The following TMEM179 variants were observed in gnomAD, a reference collection of about 807,000 sequenced individuals.
TMEM179 encodes the protein transmembrane protein 179, also known as transmembrane protein 179A.
A neutral mutation model predicts 22.2 loss-of-function variants in TMEM179; 17 were observed. That is an observed-to-expected ratio of 0.77 (90% CI 0.52 to 1.15). The LOEUF is 1.15. TMEM179 is among the 50% of genes most tolerant of loss of function. The pLI is 0.00. For synonymous variants in TMEM179, 127 were observed against 140.5 expected, an observed-to-expected ratio of 0.90 and a Z score of 0.68; for missense variants, 265 against 313.6, an observed-to-expected ratio of 0.84 and a Z score of 1.17.
rs2140478429 is a variant in TMEM179, at chr14:104,593,201, G to A, written c.*278C>T. The stretch of plus-strand genomic sequence containing the variant: ...TCAGGTCCTACTGGGACAGCCAAGG[G>A]GCCCTGTGCGAGGCCTGGAGGTGCC... On this transcript the variant is annotated 3_prime_UTR_variant, in exon 4 of 4. Transcript: ENST00000556573. The A allele has an allele frequency of 5.7e-6, 3 of 526,988 alleles. No homozygotes were observed. The highest frequency in any genetic ancestry group is 4.7e-4 in the Middle Eastern group (1 of 2,106). The allele number at this position is 526,988 out of a possible 1,614,324, so 32.6% of individuals were successfully genotyped here.
chr14:104,600,436 C>G (rs1052962968), intron 1 of TMEM179, among the ~76,000 whole-genome samples: 9 of 152,236 alleles, frequency 5.9e-5, no homozygotes, highest in African/African-American at 1.9e-4. Context: ...AGCATCCCTC[C>G]GGCCCGCCAA....
At position 104,591,262 on chromosome 14, in the gene TMEM179, C is replaced by T; in HGVS notation, c.*2217G>A. The T allele has an allele frequency of 2.4e-6, 1 of 424,690 alleles. No homozygotes were observed. Among genetic ancestry groups the T allele is most frequent in the Non-Finnish European group, 4.7e-6 (1 of 213,970 alleles). 26.3% of individuals were successfully genotyped at this position (424,690 alleles called of 1,614,324 possible). A position where few individuals can be genotyped will look rare whatever the true frequency, so the allele number is the denominator to read the frequency against. ...GCAGTGCAGCCCCCAAGAACAGACCCAACCGGGGCCAAGCCTCAGGTTCCA... is the reference window on the plus strand; with the variant it reads ...GCAGTGCAGCCCCCAAGAACAGACCTAACCGGGGCCAAGCCTCAGGTTCCA... On this transcript the variant is annotated 3_prime_UTR_variant, in exon 4 of 4. Coordinates refer to ENST00000556573, the MANE Select transcript of TMEM179 (RefSeq NM_001286389.2).
At position 104,604,606 on chromosome 14, in the gene TMEM179, T is replaced by C. The variant is rs1232528855; in HGVS notation, c.136A>G (p.Met46Val). Residue 46 changes from methionine to valine, a missense_variant, in exon 1 of 4, where the codon ATG (methionine) becomes GTG (valine). Physicochemically the swap from Met to Val is conservative, Grantham distance 21. Coordinates refer to ENST00000556573, the MANE Select transcript of TMEM179 (RefSeq NM_001286389.2). This position sits in a 1 kb window ranked among gnomAD's most constrained non-coding sequence, Gnocchi z 4.6. ...ACCGTGAGGTTGGCGCTCAGCCACA[T>C]GCCCTCGGTGAAGAGCAGGCAGCGG... ...RGRCLLFTEGMWLSANLTVQE... is the reference protein window; with the variant it reads ...RGRCLLFTEGVWLSANLTVQE... 4 of 1,563,840 alleles carry C rather than the reference T, an allele frequency of 2.6e-6. No homozygotes were observed. The highest frequency in any genetic ancestry group is 3.5e-6 in the Non-Finnish European group (4 of 1,158,330).
intron 3 of TMEM179, chr14:104,594,452 A>G (rs2140480905): frequency 8.1e-7 from 1 of 1,231,300 alleles, no homozygotes; most frequent in South Asian, 4.1e-5. Context: ...GGTCTCAGCC[A>G]CCCCCACCCG....
rs1358422400 is a variant in TMEM179 at position 104,597,701 on chromosome 14, A to T, written c.306-574T>A. ...GGCCCTCAGCAGGCATCGAACCTGG[A>T]TCCCAGCCTGGATCGCAGACCTCTA... On this transcript the variant is annotated intron_variant, in intron 1 of 3. Coordinates refer to ENST00000556573, the MANE Select transcript of TMEM179 (RefSeq NM_001286389.2). The surrounding 1 kb of genome is among the most constrained non-coding windows in gnomAD (Gnocchi z 4.8). Among the ~76,000 whole-genome samples the T allele has an allele frequency of 6.6e-6, 1 of 152,160 alleles. No homozygotes were observed. Among genetic ancestry groups the T allele is most frequent in the East Asian group, 1.9e-4 (1 of 5,198 alleles).
At chr14:104,593,791 G>A in intron 3 of TMEM179, 133 bp from the exon 4 acceptor site, 1 of 1,062,834 alleles carries the variant, frequency 9.4e-7, no homozygotes, top group South Asian at 2.1e-5. Flanking sequence ...CCGGGGACAT[G>A]GGGCAGGGCC....
intron 1 of TMEM179, among the ~76,000 whole-genome samples, chr14:104,603,270 C>T (rs937512977): frequency 4.0e-5 from 6 of 151,648 alleles, no homozygotes; most frequent in Non-Finnish European, 7.4e-5. Flanking sequence ...GGGCTCACAG[C>T]GGGGGCAACA....
intron 3 of TMEM179, chr14:104,594,125 G>A (rs1396790714): frequency 4.9e-6 from 6 of 1,232,720 alleles, no homozygotes; most frequent in Non-Finnish European, 5.1e-6. Flanking sequence ...AACCAGGCCT[G>A]AGCTACATTA....
chr14:104,598,939 G>A (rs1397661246), intron 1 of TMEM179, among the ~76,000 whole-genome samples: 1 of 152,222 alleles, frequency 6.6e-6, no homozygotes, highest in African/African-American at 2.4e-5. Context: ...CGCGTGGGGG[G>A]TGACCGAGCC....
At chr14:104,603,244 G>A (rs1267270307) in intron 1 of TMEM179, among the ~76,000 whole-genome samples, 3 of 152,182 alleles carry the variant, frequency 2.0e-5, no homozygotes, top group Non-Finnish European at 4.4e-5. Flanking sequence ...CCCTCTCTCA[G>A]CCAAAACCAA....
chr14:104,597,430 C>A lies in TMEM179; in HGVS notation c.306-303G>T, dbSNP rs1405768053. Reference sequence around the variant, plus strand: ...GGTCCCCACCATTTCATAAAAGAGGCTGCACCCAGGGTGGAAGTGAATGAC... The same window carrying A: ...GGTCCCCACCATTTCATAAAAGAGGATGCACCCAGGGTGGAAGTGAATGAC... On this transcript the variant is annotated intron_variant, in intron 1 of 3. Transcript: ENST00000556573. The surrounding 1 kb of genome is among the most constrained non-coding windows in gnomAD (Gnocchi z 4.8). 1.3e-5 allele frequency among the ~76,000 whole-genome samples: 2 copies of A among 152,166 alleles called. No individual in the cohort carries two copies. The highest frequency in any genetic ancestry group is 4.1e-4 in the South Asian group (2 of 4,832).
chr14:104,592,664 TCA>T lies in TMEM179; in HGVS notation c.*813_*814del, dbSNP rs963170901. ...CACTCAGTCACATCCTCTCATGCAC[TCA>T]TATACACAATCACACCCTCCCATGC... On this transcript the variant is annotated 3_prime_UTR_variant, in exon 4 of 4. Transcript: ENST00000556573. 2.6e-5 allele frequency among the ~76,000 whole-genome samples: 4 copies of T among 151,956 alleles called. No individual in the cohort carries two copies. The highest frequency in any genetic ancestry group is 9.7e-5 in the African/African-American group (4 of 41,380).
rs1886882808 is a variant in TMEM179, at chr14:104,592,531, TATCCTCCC to T, written c.*940_*947del. On this transcript the variant is annotated 3_prime_UTR_variant, in exon 4 of 4. Transcript: ENST00000556573. ...TCACATGCACACTCATGCACACTCA[TATCCTCCC>T]ATGCAGTCACACACTCTCACATGCA... 6.6e-6 allele frequency: 1 copy of T among 150,814 alleles called. No individual in the cohort carries two copies. Among genetic ancestry groups the T allele is most frequent in the South Asian group, 1.9e-4 (1 of 5,370 alleles). The allele number at this position is 150,814 out of a possible 1,614,324, so 9.3% of individuals were successfully genotyped here. A position where few individuals can be genotyped will look rare whatever the true frequency, so the allele number is the denominator to read the frequency against.
At chr14:104,602,170 C>G (rs186576824) in intron 1 of TMEM179, among the ~76,000 whole-genome samples, 54 of 152,354 alleles carry the variant, frequency 3.5e-4, no homozygotes, top group African/African-American at 1.2e-3. Context: ...TACGGCATCC[C>G]TGGGCCTGCC....
At chr14:104,596,777 G>A (rs1434834854) in intron 2 of TMEM179, among the ~76,000 whole-genome samples, 2 of 152,164 alleles carry the variant, frequency 1.3e-5, no homozygotes, top group African/African-American at 4.8e-5. Context: ...TGATGCTGCC[G>A]GCTCCTAGGG....
rs764402535 is a variant in TMEM179 at position 104,597,040 on chromosome 14, G to A, written c.393C>T (p.Gly131=). 1.1e-5 allele frequency: 17 copies of A among 1,610,328 alleles called. No individual in the cohort carries two copies. Among genetic ancestry groups the A allele is most frequent in the Admixed American group, 1.7e-5 (1 of 59,750 alleles). The change falls in exon 2 of 4, where the codon GGC becomes GGT. Residue 131 remains glycine (G), a synonymous_variant. Transcript: ENST00000556573. This position sits in a 1 kb window ranked among gnomAD's most constrained non-coding sequence, Gnocchi z 4.8. ...TGATGGTGTCGCACCACATGGTGAA[G>A]CCCACGCTCACGATGGTGCTGGCAA... ...VFIASTIVSV[G]FTMWCDTITE...
rs547368711 is a variant in TMEM179, at chr14:104,597,344, TCCGTGTGCCCA to T, written c.306-228_306-218del. On this transcript the variant is annotated intron_variant, in intron 1 of 3. Transcript: ENST00000556573. This position sits in a 1 kb window ranked among gnomAD's most constrained non-coding sequence, Gnocchi z 4.8. ...CCCTGCCTGCGGTCCCTCGGGCAGC[TCCGTGTGCCCA>T]CCCTGGGCTGCAGGTCACACCTTCC... Among the ~76,000 whole-genome samples, 927 of 152,114 alleles carry T rather than the reference TCCGTGTGCCCA, an allele frequency of 6.1e-3. 8 individuals are homozygous for T. The highest frequency in any genetic ancestry group is 0.02 in the African/African-American group (809 of 41,480).
chr14:104,597,514 C>A lies in TMEM179; in HGVS notation c.306-387G>T, dbSNP rs1465215114. On this transcript the variant is annotated intron_variant, in intron 1 of 3. Transcript: ENST00000556573. The surrounding 1 kb of genome is among the most constrained non-coding windows in gnomAD (Gnocchi z 4.8). The stretch of plus-strand genomic sequence containing the variant: ...CAACTCTGGCCCAGGTGCTTGTGTC[C>A]CCCCAAATCCATATGTTCCAGTCCA... Among the ~76,000 whole-genome samples the A allele has an allele frequency of 1.3e-5, 2 of 152,144 alleles. No homozygotes were observed. Among genetic ancestry groups the A allele is most frequent in the Admixed American group, 6.5e-5 (1 of 15,282 alleles).
At chr14:104,594,461 C>A in intron 3 of TMEM179, 5 of 1,231,780 alleles carry the variant, frequency 4.1e-6, no homozygotes, top group Non-Finnish European at 4.0e-6. Flanking sequence ...CACCCCCACC[C>A]GGCACCCCTC....
Sources: allele counts gnomAD v4.1 joint callset (sites outside exome capture counted in the v4.1 genomes callset), GRCh38; gene constraint gnomAD v4.1.1; non-coding constraint Gnocchi (gnomAD v3.1); transcripts MANE v1.5; gene names NCBI Gene and HGNC (gene_info 2026-07-23, HGNC 2026-07-21).